The following EHD3 variants were observed in gnomAD, a reference collection of about 807,000 sequenced individuals.
EHD3 encodes the protein EH domain-containing protein 3.
A neutral mutation model predicts 43.0 loss-of-function variants in EHD3; 17 were observed. The ratio of observed to expected loss-of-function variants is 0.40; its 90% confidence interval spans 0.27 to 0.59. EHD3 has a LOEUF of 0.59. Ranked by LOEUF, EHD3 falls within the 20% of genes least tolerant of loss-of-function variation. EHD3 has a pLI of 0.49. For missense variants in EHD3, 594 were observed against 705.6 expected (o/e 0.84, Z 1.79); for synonymous variants, 313 against 289.5 (o/e 1.08, Z -0.82).
chr2:31,255,109 A>T (rs978163239), intron 3 of EHD3, among the ~76,000 whole-genome samples: 2 of 152,088 alleles, frequency 1.3e-5, no homozygotes, highest in East Asian at 3.9e-4. Flanking sequence ...GGGACCATAG[A>T]TCCCTGCAGG....
At chr2:31,253,101 T>C (rs1683668930) in intron 3 of EHD3, among the ~76,000 whole-genome samples, 1 of 151,680 alleles carries the variant, frequency 6.6e-6, no homozygotes, top group African/African-American at 2.4e-5. Context: ...TAGCTCCAGT[T>C]TAAACTGACG....
chr2:31,245,547 ATATATATTTTT>A (rs372769536), intron 2 of EHD3, among the ~76,000 whole-genome samples: 3,132 of 82,550 alleles, frequency 0.038, 25 homozygotes, highest in Middle Eastern at 0.064. Flanking sequence ...ATATATATAT[ATATATATTTTT>A]TTTTTTTTTT....
rs1193234325 is a variant in EHD3 at position 31,234,181 on chromosome 2, C to T, written c.-441C>T. On this transcript the variant is annotated 5_prime_UTR_variant, in exon 1 of 6. Transcript: ENST00000322054. Reference sequence around the variant, plus strand: ...CTGCGGATGCAGAGCTGTCCGCGGGCTGGGCAGCGTCGCCGTCTCCCCTGA... The same window carrying T: ...CTGCGGATGCAGAGCTGTCCGCGGGTTGGGCAGCGTCGCCGTCTCCCCTGA... Among the ~76,000 whole-genome samples the T allele has an allele frequency of 6.6e-6, 1 of 152,212 alleles. No individual in the cohort carries two copies. Among genetic ancestry groups the T allele is most frequent in the African/African-American group, 2.4e-5 (1 of 41,458 alleles).
At chr2:31,244,505 T>C in intron 2 of EHD3, 55 bp downstream of exon 2, 1 of 1,575,446 alleles carries the variant, frequency 6.3e-7, no homozygotes, top group Non-Finnish European at 8.6e-7. Flanking sequence ...TCTTGGGGTA[T>C]GGGGAGTGAA....
intron 2 of EHD3, among the ~76,000 whole-genome samples, chr2:31,248,570 G>C (rs1683572616): frequency 6.6e-6 from 1 of 152,182 alleles, no homozygotes; most frequent in Non-Finnish European, 1.5e-5. Flanking sequence ...AACCATGGCT[G>C]CCTCACAATC....
chr2:31,260,397 A>T lies in EHD3; in HGVS notation c.503-113A>T. The T allele has an allele frequency of 9.1e-7, 1 of 1,098,784 alleles. No individual in the cohort carries two copies. Among genetic ancestry groups the T allele is most frequent in the Non-Finnish European group, 1.3e-6 (1 of 792,532 alleles). The allele number at this position is 1,098,784 out of a possible 1,614,324, so 68.1% of individuals were successfully genotyped here. A position where few individuals can be genotyped will look rare whatever the true frequency, so the allele number is the denominator to read the frequency against. ...TTAAAATGTGGAGGAGCCAGGATTT[A>T]AACTTAGATCTGACTCCCAAGACTG... On this transcript the variant is annotated intron_variant, in intron 3 of 5. Coordinates refer to ENST00000322054, the MANE Select transcript of EHD3 (RefSeq NM_014600.3). This position sits in a 1 kb window ranked among gnomAD's most constrained non-coding sequence, Gnocchi z 4.6.
At chr2:31,264,921 A>G (rs990822976) in intron 5 of EHD3, among the ~76,000 whole-genome samples, 2 of 152,144 alleles carry the variant, frequency 1.3e-5, no homozygotes, top group African/African-American at 4.8e-5. Flanking sequence ...TCCTTATTCT[A>G]TAAGTTTTTT....
intron 5 of EHD3, among the ~76,000 whole-genome samples, chr2:31,263,177 C>T (rs1683886381): frequency 6.6e-6 from 1 of 152,222 alleles, no homozygotes; most frequent in African/African-American, 2.4e-5. Context: ...TACCACGAGC[C>T]ATTCACTAAC....
chr2:31,237,940 T>C (rs1384944382), intron 1 of EHD3, among the ~76,000 whole-genome samples: 8 of 152,232 alleles, frequency 5.3e-5, no homozygotes, highest in Admixed American at 5.2e-4. Context: ...TATTGTAGAA[T>C]AATTCTGAAT....
intron 1 of EHD3, among the ~76,000 whole-genome samples, chr2:31,240,406 T>C (rs1683401659): frequency 6.6e-6 from 1 of 152,226 alleles, no homozygotes; most frequent in South Asian, 2.1e-4. Flanking sequence ...AGATTTTTCC[T>C]TTCTGGACAC....
chr2:31,243,419 T>C (rs946880065), intron 1 of EHD3, among the ~76,000 whole-genome samples: 5 of 143,456 alleles, frequency 3.5e-5, no homozygotes, highest in Non-Finnish European at 6.0e-5. Context: ...TGGAGATTCA[T>C]TTTTCTTTCT....
At chr2:31,243,112 A>T (rs1011559719) in intron 1 of EHD3, among the ~76,000 whole-genome samples, 2 of 151,750 alleles carry the variant, frequency 1.3e-5, no homozygotes, top group Non-Finnish European at 2.9e-5. Context: ...CCCCGTCTTT[A>T]CAAAAATACA....
intron 3 of EHD3, among the ~76,000 whole-genome samples, chr2:31,249,671 C>T (rs556768409): frequency 9.0e-4 from 137 of 152,206 alleles, no homozygotes; most frequent in Non-Finnish European, 1.3e-3. Context: ...TCAGGTCCAC[C>T]GTAGCTCAGG....
At chr2:31,259,400 A>C (rs886910171) in intron 3 of EHD3, among the ~76,000 whole-genome samples, 1 of 152,152 alleles carries the variant, frequency 6.6e-6, no homozygotes, top group Admixed American at 6.5e-5. Context: ...GGTAAGACCT[A>C]CTGGGGCTCT....
At chr2:31,263,726 G>C (rs1430382667) in intron 5 of EHD3, among the ~76,000 whole-genome samples, 1 of 152,216 alleles carries the variant, frequency 6.6e-6, no homozygotes, top group Non-Finnish European at 1.5e-5. Flanking sequence ...CTAGAAAGCT[G>C]TGGGTGTTTT....
chr2:31,253,714 T>C (rs982618204), intron 3 of EHD3, among the ~76,000 whole-genome samples: 1 of 152,108 alleles, frequency 6.6e-6, no homozygotes, highest in Admixed American at 6.5e-5. Context: ...GTGGACCCTC[T>C]ACTGGGCCTG....
Position 31,239,885 on chromosome 2 carries a change from G to A in EHD3, c.228-4389G>A, listed in dbSNP as rs1200689257. Among the ~76,000 whole-genome samples, 4 of 151,750 alleles carry A rather than the reference G, an allele frequency of 2.6e-5. No homozygotes were observed. In the South Asian group the frequency reaches 6.2e-4, roughly 24 times the overall value. Reference sequence around the variant, plus strand: ...CTTAGAGGCAGGCTCTCAGGAAGGTGCGGGAAGGCCCTTCTCCAGCACGAA... The same window carrying A: ...CTTAGAGGCAGGCTCTCAGGAAGGTACGGGAAGGCCCTTCTCCAGCACGAA... On this transcript the variant is annotated intron_variant, in intron 1 of 5. Transcript: ENST00000322054.
chr2:31,264,532 A>ATTT (rs1558653199), intron 5 of EHD3, among the ~76,000 whole-genome samples: 2 of 86,654 alleles, frequency 2.3e-5, no homozygotes, highest in African/African-American at 1.1e-4. Context: ...TACTTTACAG[A>ATTT]CTTTTTTTTT....
chr2:31,250,640 A>G (rs939900165), intron 3 of EHD3, among the ~76,000 whole-genome samples: 1 of 151,706 alleles, frequency 6.6e-6, no homozygotes, highest in Non-Finnish European at 1.5e-5. Context: ...CTGGGCCCCC[A>G]CCCCCAGCCT....
Sources: allele counts gnomAD v4.1 joint callset (sites outside exome capture counted in the v4.1 genomes callset), GRCh38; gene constraint gnomAD v4.1.1; non-coding constraint Gnocchi (gnomAD v3.1); transcripts MANE v1.5; gene names NCBI Gene and HGNC (gene_info 2026-07-23, HGNC 2026-07-21).